Variants in CLPB observed in about 807,000 individuals in gnomAD.
CLPB encodes mitochondrial disaggregase.
In CLPB, 40 loss-of-function variants were observed where a neutral mutation model predicts 78.4. The ratio of observed to expected loss-of-function variants is 0.51; its 90% CI spans 0.40 to 0.66. CLPB has a LOEUF of 0.66. Ranked by LOEUF, CLPB falls within the 30% of genes least tolerant of loss-of-function variation. CLPB has a pLI of 0.00. For synonymous variants in CLPB, 333 were observed against 348.0 expected (o/e 0.96, Z 0.48); for missense variants, 780 against 886.9 (o/e 0.88, Z 1.53).
intron 5 of CLPB, among the ~76,000 whole-genome samples, chr11:72,349,557 C>T (rs977043943): frequency 5.3e-5 from 8 of 152,230 alleles, no homozygotes; most frequent in Non-Finnish European, 8.8e-5. Flanking sequence ...TGGGAAGGGA[C>T]ACTTGGTTCT....
chr11:72,297,701 GTGACATGTCCAAGCATGTGCATATGAC>G, intron 11 of CLPB, among the ~76,000 whole-genome samples: 1 of 126,810 alleles, frequency 7.9e-6, no homozygotes, highest in Non-Finnish European at 1.6e-5. Flanking sequence ...GTGTGTGTGT[GTGACATGTCCAAGCATGTGCATATGAC>G]TGTGTGTGTG....
At chr11:72,294,567 C>G (rs879014880) in intron 13 of CLPB, 53 bp downstream of exon 13, 1 of 1,607,086 alleles carries the variant, frequency 6.2e-7, no homozygotes. Context: ...TGGCTAAGAT[C>G]ACCCTCCCCC....
chr11:72,394,964 C>A (rs963761019), intron 3 of CLPB, among the ~76,000 whole-genome samples: 2 of 152,178 alleles, frequency 1.3e-5, no homozygotes, highest in African/African-American at 4.8e-5. Flanking sequence ...CCGGTTGCTT[C>A]TACGAGCACA....
chr11:72,411,994 G>A (rs1855891724), intron 2 of CLPB: 1 of 152,234 alleles, frequency 6.6e-6, no homozygotes. Context: ...AACAGCACCA[G>A]GCCCTGCTGT....
At chr11:72,295,727 C>A in intron 11 of CLPB, 79 bp from the exon 12 acceptor site, 1 of 1,413,480 alleles carries the variant, frequency 7.1e-7, no homozygotes, top group Admixed American at 1.9e-5. Context: ...TTCTCACCTC[C>A]TTCAGGAGGC....
At chr11:72,402,626 G>A (rs942251501) in intron 3 of CLPB, among the ~76,000 whole-genome samples, 21 of 152,142 alleles carry the variant, frequency 1.4e-4, no homozygotes, top group Admixed American at 5.9e-4. Flanking sequence ...GACTTCTCAA[G>A]GTCAACAGAT....
chr11:72,386,726 T>TAAA (rs1289270279), intron 3 of CLPB, among the ~76,000 whole-genome samples: 1 of 152,210 alleles, frequency 6.6e-6, no homozygotes, highest in African/African-American at 2.4e-5. Context: ...AAATAACTTT[T>TAAA]AAAATTACCT....
rs72333851 is a variant in CLPB at position 72,294,936 on chromosome 11, GGGAGA to G, written c.1487-248_1487-244del. 0.038 allele frequency among the ~76,000 whole-genome samples: 5,791 copies of G among 150,990 alleles called. 339 individuals are homozygous for G. Among genetic ancestry groups the G allele is most frequent in the African/African-American group, 0.12 (5,058 of 40,636 alleles). ...CTCAGGGTGGGAGTTGTGTGAGGGA[GGGAGA>G]GGAGAGGAAACGTCAGGATTAAGAC... On this transcript the variant is annotated intron_variant, in intron 12 of 15. Transcript: ENST00000538039.
At chr11:72,350,220 A>T (rs553878272) in intron 5 of CLPB, among the ~76,000 whole-genome samples, 3 of 152,308 alleles carry the variant, frequency 2.0e-5, no homozygotes, top group African/African-American at 7.2e-5. Context: ...GGTCTTCCAC[A>T]TGGGCTGCAG....
chr11:72,364,831 A>C (rs1007865974), intron 4 of CLPB, among the ~76,000 whole-genome samples: 5 of 152,230 alleles, frequency 3.3e-5, no homozygotes, highest in African/African-American at 1.2e-4. Flanking sequence ...GTGTGACTTT[A>C]TTAACATCTG....
At chr11:72,306,769 C>T (rs1949752491) in intron 9 of CLPB, among the ~76,000 whole-genome samples, 1 of 152,242 alleles carries the variant, frequency 6.6e-6, no homozygotes, top group Non-Finnish European at 1.5e-5. Context: ...TTAGCACAGC[C>T]ATGACTGCAC....
At chr11:72,403,338 T>C (rs1855618756) in intron 2 of CLPB, among the ~76,000 whole-genome samples, 1 of 152,182 alleles carries the variant, frequency 6.6e-6, no homozygotes, top group Middle Eastern at 3.2e-3. Context: ...TCCCCCTTAT[T>C]ATCTTCCAAA....
intron 5 of CLPB, among the ~76,000 whole-genome samples, chr11:72,356,486 G>A (rs1174136817): frequency 6.6e-6 from 1 of 152,110 alleles, no homozygotes; most frequent in Non-Finnish European, 1.5e-5. Context: ...GGGGAAGGGA[G>A]GTCAGAAGTT....
chr11:72,310,298 A>C (rs1212881361), intron 7 of CLPB, among the ~76,000 whole-genome samples: 1 of 152,206 alleles, frequency 6.6e-6, no homozygotes, highest in East Asian at 1.9e-4. Flanking sequence ...CCTGCCCAGA[A>C]AATGCTCCCT....
intron 1 of CLPB, among the ~76,000 whole-genome samples, chr11:72,432,467 C>T (rs893966095): frequency 6.6e-6 from 1 of 152,164 alleles, no homozygotes; most frequent in East Asian, 1.9e-4. Context: ...TCCAGAAAGG[C>T]TTTCCTGACC....
At chr11:72,374,026 T>C (rs546797889) in intron 4 of CLPB, among the ~76,000 whole-genome samples, 2 of 150,034 alleles carry the variant, frequency 1.3e-5, no homozygotes, top group Non-Finnish European at 3.0e-5. Flanking sequence ...TTCTAAACAT[T>C]AGAAATCACA....
chr11:72,350,399 T>TCATTCCC (rs1343279523), intron 5 of CLPB, among the ~76,000 whole-genome samples: 2 of 152,228 alleles, frequency 1.3e-5, no homozygotes, highest in Admixed American at 6.5e-5. Context: ...GAAGACTTCC[T>TCATTCCC]CCATTCCCCT....
chr11:72,331,521 G>A (rs149666559), intron 5 of CLPB, among the ~76,000 whole-genome samples: 4,718 of 150,656 alleles, frequency 0.031, 113 homozygotes, highest in Non-Finnish European at 0.04. Context: ...GATTACAGGC[G>A]TGGGCCACTG....
At chr11:72,300,948 G>A (rs1949644623) in intron 11 of CLPB, among the ~76,000 whole-genome samples, 1 of 152,308 alleles carries the variant, frequency 6.6e-6, no homozygotes, top group East Asian at 1.9e-4. Flanking sequence ...TGGTATGGGG[G>A]GAGAATTGGG....
Sources: gnomAD v4.1 joint callset for allele counts (sites outside exome capture counted in the v4.1 genomes callset) on GRCh38, gnomAD v4.1.1 for gene constraint, MANE v1.5 for transcripts, NCBI Gene and HGNC (gene_info 2026-07-23, HGNC 2026-07-21) for gene names.